Variants in COL25A1 observed in about 807,000 individuals in gnomAD.
COL25A1 encodes the protein collagen alpha-1(XXV) chain.
A neutral mutation model predicts 128.4 loss-of-function variants in COL25A1; 103 were observed. The observed-to-expected ratio is 0.80, with a 90% CI of 0.68 to 0.94. COL25A1 has a LOEUF of 0.94. Among genes scored for constraint, COL25A1 ranks in the 40% least tolerant of loss-of-function variants. The pLI, the probability that COL25A1 is intolerant of heterozygous loss-of-function variation, is 0.00. For synonymous variants in COL25A1, 279 were observed against 277.2 expected (o/e 1.01, Z -0.06); for missense variants, 745 against 840.0 (o/e 0.89, Z 1.40).
intron 3 of COL25A1, among the ~76,000 whole-genome samples, chr4:109,263,492 A>C (rs16997033): frequency 0.079 from 12,050 of 152,264 alleles, 1,200 homozygotes; most frequent in African/African-American, 0.23. Context: ...GATTTCACCA[A>C]GGAAAAATCA....
At chr4:108,966,771 A>G (rs2125979702) in intron 8 of COL25A1, among the ~76,000 whole-genome samples, 1 of 151,928 alleles carries the variant, frequency 6.6e-6, no homozygotes, top group South Asian at 2.1e-4. Flanking sequence ...GGATCACCTG[A>G]GCCTTGGGAG....
At chr4:109,285,406 C>A (rs933359111) in intron 3 of COL25A1, among the ~76,000 whole-genome samples, 9 of 152,178 alleles carry the variant, frequency 5.9e-5, no homozygotes, top group African/African-American at 2.2e-4. Flanking sequence ...ATGTCACCAA[C>A]TATTATAGCC....
chr4:109,070,508 C>T (rs1762843129), intron 3 of COL25A1, among the ~76,000 whole-genome samples: 1 of 152,032 alleles, frequency 6.6e-6, no homozygotes, highest in Non-Finnish European at 1.5e-5. Context: ...TACTGTTGAA[C>T]ATTTTGGTTG....
intron 3 of COL25A1, among the ~76,000 whole-genome samples, chr4:109,198,257 G>C (rs904001873): frequency 6.7e-6 from 1 of 149,124 alleles, no homozygotes; most frequent in Admixed American, 6.7e-5. Context: ...GAACAGTAAA[G>C]TCACCTTATT....
At position 109,067,405 on chromosome 4, in the gene COL25A1, C is replaced by T. The variant is rs1322153109; in HGVS notation, c.368-17226G>A. Among the ~76,000 whole-genome samples, 5 of 152,182 alleles carry T rather than the reference C, an allele frequency of 3.3e-5. No individual in the cohort carries two copies. In the East Asian group the frequency reaches 9.7e-4, roughly 29 times the overall value. ...TACCCCAGCACTTTTAATCTAAACA[C>T]AGTGAAACTCTTTGATGTCTAAGGA... On this transcript the variant is annotated intron_variant, in intron 3 of 37. Transcript: ENST00000399132.
At chr4:109,126,171 A>G (rs1185431552) in intron 3 of COL25A1, among the ~76,000 whole-genome samples, 2 of 152,160 alleles carry the variant, frequency 1.3e-5, no homozygotes, top group Non-Finnish European at 2.9e-5. Flanking sequence ...TCTAATCCTC[A>G]CGGTAAAAAA....
At chr4:109,297,338 G>A (rs1725071058) in intron 3 of COL25A1, among the ~76,000 whole-genome samples, 1 of 151,924 alleles carries the variant, frequency 6.6e-6, no homozygotes, top group South Asian at 2.1e-4. Flanking sequence ...AAATTGAAAA[G>A]GAGTCACATA....
chr4:108,821,637 A>T (rs1029337606), intron 35 of COL25A1, among the ~76,000 whole-genome samples: 6 of 152,192 alleles, frequency 3.9e-5, no homozygotes, highest in African/African-American at 1.4e-4. Flanking sequence ...TTACTGTGCC[A>T]GGCTATAGGA....
chr4:109,221,709 C>T (rs541645674), intron 3 of COL25A1, among the ~76,000 whole-genome samples: 1 of 152,296 alleles, frequency 6.6e-6, no homozygotes, highest in Admixed American at 6.5e-5. Context: ...ACCCAATTTA[C>T]ACCTTCTGTG....
chr4:108,856,903 GA>G (rs35120719), intron 24 of COL25A1, among the ~76,000 whole-genome samples: 6 of 152,062 alleles, frequency 3.9e-5, no homozygotes, highest in African/African-American at 1.2e-4. Flanking sequence ...TGGACTCATA[GA>G]AAAAAATTTA....
At chr4:108,996,390 G>A (rs1388541868) in intron 6 of COL25A1, among the ~76,000 whole-genome samples, 1 of 151,854 alleles carries the variant, frequency 6.6e-6, no homozygotes, top group African/African-American at 2.4e-5. Flanking sequence ...ATTACATAAT[G>A]GTAAAGGGAT....
At chr4:109,138,152 A>G (rs549531568) in intron 3 of COL25A1, among the ~76,000 whole-genome samples, 5 of 152,134 alleles carry the variant, frequency 3.3e-5, no homozygotes, top group Non-Finnish European at 5.9e-5. Context: ...CATCCCCCTG[A>G]CAGACCCTGG....
At chr4:109,093,965 A>G (rs1423602580) in intron 3 of COL25A1, among the ~76,000 whole-genome samples, 3 of 152,184 alleles carry the variant, frequency 2.0e-5, no homozygotes, top group African/African-American at 4.8e-5. Context: ...ACCAAATCAA[A>G]GACATTGTAA....
intron 11 of COL25A1, among the ~76,000 whole-genome samples, chr4:108,923,823 T>C (rs1242235886): frequency 6.6e-6 from 1 of 152,192 alleles, no homozygotes; most frequent in Admixed American, 6.6e-5. Context: ...CCTCATAATT[T>C]AGTAAGTTTG....
intron 3 of COL25A1, among the ~76,000 whole-genome samples, chr4:109,086,939 T>G (rs187900784): frequency 7.2e-4 from 109 of 152,278 alleles, no homozygotes; most frequent in African/African-American, 2.6e-3. Context: ...TGCTGTCTCT[T>G]TCCAAAGTGG....
At chr4:109,169,883 A>C (rs1773428986) in intron 3 of COL25A1, among the ~76,000 whole-genome samples, 1 of 152,158 alleles carries the variant, frequency 6.6e-6, no homozygotes, top group Non-Finnish European at 1.5e-5. Context: ...CTAATTAGCC[A>C]CAAGAGTTAC....
chr4:109,228,988 C>T (rs987282014), intron 3 of COL25A1, among the ~76,000 whole-genome samples: 1 of 152,114 alleles, frequency 6.6e-6, no homozygotes, highest in Non-Finnish European at 1.5e-5. Context: ...CATTTTTATA[C>T]AATCATATGG....
At chr4:108,916,352 G>C (rs1744868326) in intron 13 of COL25A1, among the ~76,000 whole-genome samples, 1 of 152,086 alleles carries the variant, frequency 6.6e-6, no homozygotes, top group Non-Finnish European at 1.5e-5. Flanking sequence ...TTTAAACTTG[G>C]TGACTAGGAC....
chr4:108,911,825 C>T (rs1168283089), intron 13 of COL25A1, among the ~76,000 whole-genome samples: 1 of 115,088 alleles, frequency 8.7e-6, no homozygotes, highest in Non-Finnish European at 1.7e-5. Context: ...TTTTTTGCAA[C>T]AGCAAGTGAG....
Sources: gnomAD v4.1 joint callset for allele counts (sites outside exome capture counted in the v4.1 genomes callset) on GRCh38, gnomAD v4.1.1 for gene constraint, MANE v1.5 for transcripts, NCBI Gene and HGNC (gene_info 2026-07-23, HGNC 2026-07-21) for gene names.